PCDH9: variants seen among roughly 807,000 people sequenced by gnomAD.
PCDH9 encodes the protein protocadherin-9.
PCDH9 carries 24 observed loss-of-function variants against 70.6 expected under a neutral mutation model. The ratio of observed to expected loss-of-function variants is 0.34; its 90% confidence interval spans 0.25 to 0.48. The LOEUF is 0.48. PCDH9 is among the 20% of genes least tolerant of loss of function. The pLI is 0.99. For synonymous variants in PCDH9, 562 were observed against 558.5 expected (o/e 1.01, Z -0.09); for missense variants, 1,281 against 1,503.6 (o/e 0.85, Z 2.45).
chr13:66,705,560 G>A (rs1013758385), intron 3 of PCDH9, among the ~76,000 whole-genome samples: 9 of 152,188 alleles, frequency 5.9e-5, no homozygotes, highest in South Asian at 2.1e-4. Flanking sequence ...GGTATAATGC[G>A]TGGCATTTTC....
chr13:66,754,641 T>G (rs1374250803), intron 3 of PCDH9, among the ~76,000 whole-genome samples: 1 of 152,114 alleles, frequency 6.6e-6, no homozygotes, highest in African/African-American at 2.4e-5. Context: ...AGTTGCTGAT[T>G]GACTAACTTC....
chr13:66,359,403 G>T (rs1489620698), intron 4 of PCDH9, among the ~76,000 whole-genome samples: 10 of 151,862 alleles, frequency 6.6e-5, no homozygotes. Context: ...TACAGAGTTT[G>T]GTGGGTGCCG....
intron 3 of PCDH9, among the ~76,000 whole-genome samples, chr13:66,690,548 A>G (rs923784239): frequency 6.6e-6 from 1 of 152,144 alleles, no homozygotes; most frequent in Non-Finnish European, 1.5e-5. Context: ...TTTAGTACAG[A>G]ATAAAAAAAG....
At chr13:67,141,375 C>T (rs2087382694) in intron 2 of PCDH9, among the ~76,000 whole-genome samples, 2 of 151,948 alleles carry the variant, frequency 1.3e-5, no homozygotes, top group South Asian at 4.2e-4. Context: ...ATCACTTGAC[C>T]CCAGGAGTTC....
chr13:67,032,668 C>T (rs2084931224), intron 2 of PCDH9, among the ~76,000 whole-genome samples: 1 of 152,110 alleles, frequency 6.6e-6, no homozygotes, highest in Non-Finnish European at 1.5e-5. Flanking sequence ...ACTATTTGGA[C>T]AAATGTCCAT....
chr13:66,519,049 AGGCTG>A (rs1959872039), intron 4 of PCDH9, among the ~76,000 whole-genome samples: 1 of 152,098 alleles, frequency 6.6e-6, no homozygotes, highest in Non-Finnish European at 1.5e-5. Context: ...TTTATATTCG[AGGCTG>A]GGAACTACTA....
intron 2 of PCDH9, among the ~76,000 whole-genome samples, chr13:67,099,798 G>A (rs192523974): frequency 4.1e-4 from 62 of 152,260 alleles, no homozygotes; most frequent in African/African-American, 1.5e-3. Flanking sequence ...TAATAACTTC[G>A]AAATAACTTT....
intron 2 of PCDH9, among the ~76,000 whole-genome samples, chr13:67,084,466 A>G (rs1690010585): frequency 6.6e-6 from 1 of 152,144 alleles, no homozygotes; most frequent in African/African-American, 2.4e-5. Flanking sequence ...CCGCTTCAAG[A>G]TACCTTGCTC....
chr13:66,455,162 T>C (rs1226490260), intron 4 of PCDH9, among the ~76,000 whole-genome samples: 2 of 151,968 alleles, frequency 1.3e-5, no homozygotes, highest in Non-Finnish European at 2.9e-5. Flanking sequence ...CATAAAACAA[T>C]AAAACCTTTT....
At chr13:66,638,063 G>T (rs1720350090) in intron 3 of PCDH9, among the ~76,000 whole-genome samples, 1 of 151,924 alleles carries the variant, frequency 6.6e-6, no homozygotes, top group Admixed American at 6.6e-5. Context: ...AAAGGTATTA[G>T]CATTGCTCAT....
chr13:66,729,202 A>G (rs113379857), intron 3 of PCDH9, among the ~76,000 whole-genome samples: 38 of 152,244 alleles, frequency 2.5e-4, no homozygotes, highest in African/African-American at 8.9e-4. Flanking sequence ...TGAGTGAAAG[A>G]TGATGGTATC....
chr13:66,470,880 C>A (rs891636485), intron 4 of PCDH9, among the ~76,000 whole-genome samples: 1 of 151,026 alleles, frequency 6.6e-6, no homozygotes, highest in South Asian at 2.1e-4. Context: ...GAAATAGGGG[C>A]ATATAGAAGA....
chr13:67,206,876 T>G (rs2089361315), intron 2 of PCDH9: 1 of 152,230 alleles, frequency 6.6e-6, no homozygotes, highest in Non-Finnish European at 1.5e-5. Context: ...AGATCTTTTC[T>G]TATCTGATAT....
At chr13:66,870,104 G>T (rs1250990650) in intron 3 of PCDH9, among the ~76,000 whole-genome samples, 2 of 152,096 alleles carry the variant, frequency 1.3e-5, no homozygotes, top group African/African-American at 2.4e-5. Flanking sequence ...TTTGTATAAG[G>T]TGTAAGGAAG....
intron 2 of PCDH9, among the ~76,000 whole-genome samples, chr13:67,028,843 G>C (rs903752458): frequency 3.3e-5 from 5 of 151,988 alleles, no homozygotes; most frequent in African/African-American, 1.2e-4. Flanking sequence ...ATTTAAACAG[G>C]AGAACGAGAC....
At chr13:66,908,653 T>G (rs1364868102) in intron 2 of PCDH9, among the ~76,000 whole-genome samples, 4 of 152,172 alleles carry the variant, frequency 2.6e-5, no homozygotes, top group Non-Finnish European at 5.9e-5. Context: ...TTCTGAAAAT[T>G]TGTTCTGATC....
chr13:66,827,218 C>T lies in PCDH9; in HGVS notation c.3138+76286G>A, dbSNP rs189349968. 6.6e-5 allele frequency among the ~76,000 whole-genome samples: 10 copies of T among 152,160 alleles called. No homozygotes were observed. The East Asian group carries it at 1.9e-3, about 30-fold the overall frequency. Reference sequence around the variant, plus strand: ...TAACCCCCAGCAGGGCCAAGCCCTGCTGATATCTTGATCTTAGCTCAGTGA... The same window carrying T: ...TAACCCCCAGCAGGGCCAAGCCCTGTTGATATCTTGATCTTAGCTCAGTGA... On this transcript the variant is annotated intron_variant, in intron 3 of 4. Coordinates refer to ENST00000377865, the MANE Select transcript of PCDH9 (RefSeq NM_203487.3).
At chr13:67,011,527 T>C (rs1167938173) in intron 2 of PCDH9, among the ~76,000 whole-genome samples, 1 of 151,848 alleles carries the variant, frequency 6.6e-6, no homozygotes, top group Non-Finnish European at 1.5e-5. Context: ...ATTATTCGTA[T>C]GCCAAAAATG....
At chr13:66,998,636 T>C (rs2084171827) in intron 2 of PCDH9, among the ~76,000 whole-genome samples, 1 of 152,188 alleles carries the variant, frequency 6.6e-6, no homozygotes, top group African/African-American at 2.4e-5. Context: ...AATTCAGGCA[T>C]CGTTGACTTC....
Sources: allele counts gnomAD v4.1 joint callset (sites outside exome capture counted in the v4.1 genomes callset), GRCh38; gene constraint gnomAD v4.1.1; transcripts MANE v1.5; gene names NCBI Gene and HGNC (gene_info 2026-07-23, HGNC 2026-07-21).